FSIP1: variants seen among roughly 807,000 people sequenced by gnomAD.
The protein encoded by FSIP1 is fibrous sheath-interacting protein 1.
Under a neutral mutation model 60.9 loss-of-function variants are expected in FSIP1, and 65 were observed. The observed-to-expected ratio is 1.07, with a 90% CI of 0.87 to 1.31. FSIP1 has a LOEUF of 1.31. Among genes scored for constraint, FSIP1 ranks in the 40% most tolerant of loss-of-function variants. The probability of loss-of-function intolerance (pLI) is 0.00; values close to 1 mark genes in which losing one functional copy is unlikely to be tolerated. For synonymous variants in FSIP1, 209 were observed against 221.2 expected (o/e 0.94, Z 0.49); for missense variants, 675 against 665.5 (o/e 1.01, Z -0.16).
chr15:39,718,127 T>C (rs570687569), intron 9 of FSIP1, among the ~76,000 whole-genome samples: 1 of 152,224 alleles, frequency 6.6e-6, no homozygotes, highest in East Asian at 1.9e-4. Flanking sequence ...TAAATCTATA[T>C]AAATAGTCCC....
At chr15:39,781,542 T>C (rs1898264738) in intron 1 of FSIP1, among the ~76,000 whole-genome samples, 1 of 152,138 alleles carries the variant, frequency 6.6e-6, no homozygotes, top group Non-Finnish European at 1.5e-5. Context: ...TCATCAATAA[T>C]AGCCAACAAC....
In FSIP1 at chr15:39,604,129, C is replaced by T. The variant is rs142101703; in HGVS notation, c.1700-3203G>A. Among the ~76,000 whole-genome samples, 41 of 152,354 alleles carry T rather than the reference C, an allele frequency of 2.7e-4. No individual in the cohort carries two copies. The East Asian group carries it at 7.3e-3, about 27-fold the overall frequency. On this transcript the variant is annotated intron_variant, in intron 11 of 11. Coordinates refer to ENST00000350221, the MANE Select transcript of FSIP1 (RefSeq NM_152597.5). ...TATTTTTAGTACAGATGGGGTTTCT[C>T]CGTGTTGGTTAGGCTTGTCTCAAAC...
chr15:39,724,315 G>A (rs944409267), intron 9 of FSIP1, among the ~76,000 whole-genome samples: 2 of 150,734 alleles, frequency 1.3e-5, no homozygotes, highest in Non-Finnish European at 2.9e-5. Flanking sequence ...TGCATGGCAC[G>A]ATCTTGGCTC....
At chr15:39,716,828 T>TTTC (rs1229946546) in intron 9 of FSIP1, among the ~76,000 whole-genome samples, 3 of 148,544 alleles carry the variant, frequency 2.0e-5, no homozygotes, top group Admixed American at 6.7e-5. Flanking sequence ...TTTTTTTTTT[T>TTTC]TTTTTGAGAC....
rs73395242 is a variant in FSIP1, at chr15:39,706,695, A to C, written c.1188+6749T>G. Among the ~76,000 whole-genome samples, 1,415 of 152,294 alleles carry C rather than the reference A, an allele frequency of 9.3e-3. 20 individuals carry two copies. Among genetic ancestry groups the C allele is most frequent in the African/African-American group, 0.032 (1,335 of 41,556 alleles). On this transcript the variant is annotated intron_variant, in intron 10 of 11. Coordinates refer to ENST00000350221, the MANE Select transcript of FSIP1 (RefSeq NM_152597.5). The stretch of plus-strand genomic sequence containing the variant: ...AATCCCAACACACTTTTCCCTTTAA[A>C]TACTGTGTGTTACAAAAAGTTAATT...
intron 10 of FSIP1, among the ~76,000 whole-genome samples, chr15:39,644,087 G>A (rs1892486497): frequency 6.6e-6 from 1 of 152,156 alleles, no homozygotes; most frequent in Non-Finnish European, 1.5e-5. Flanking sequence ...TATTCTGTCA[G>A]ACACCCAGTT....
At chr15:39,753,454 G>A (rs1203469848) in intron 5 of FSIP1, among the ~76,000 whole-genome samples, 2 of 151,878 alleles carry the variant, frequency 1.3e-5, no homozygotes, top group Non-Finnish European at 2.9e-5. Context: ...AACTAACCTT[G>A]CTTATAAATA....
chr15:39,618,255 C>T lies in FSIP1; in HGVS notation c.1189-10G>A. 5 of 1,584,304 alleles carry T rather than the reference C, an allele frequency of 3.2e-6. No homozygotes were observed. The highest frequency in any genetic ancestry group is 4.3e-6 in the Non-Finnish European group (5 of 1,162,484). The stretch of plus-strand genomic sequence containing the variant: ...ATGATGTGGACTCTAACTGATGAAA[C>T]AAACCAAAAGATTACATAGTCAGTT... On this transcript the variant is annotated splice_polypyrimidine_tract_variant and intron_variant, in intron 10 of 11. Transcript: ENST00000350221.
chr15:39,756,927 T>C (rs1473835298), intron 5 of FSIP1, among the ~76,000 whole-genome samples: 3 of 152,120 alleles, frequency 2.0e-5, no homozygotes, highest in Admixed American at 6.6e-5. Context: ...AAGAAGTGTC[T>C]GCAGGGTGTA....
chr15:39,746,837 G>GT (rs1251370290), intron 5 of FSIP1, among the ~76,000 whole-genome samples: 1 of 151,674 alleles, frequency 6.6e-6, no homozygotes, highest in Non-Finnish European at 1.5e-5. Flanking sequence ...GGGGAAGAAG[G>GT]GGGAACTGAG....
intron 11 of FSIP1, among the ~76,000 whole-genome samples, chr15:39,608,227 G>A (rs560086480): frequency 1.3e-5 from 2 of 152,212 alleles, no homozygotes; most frequent in East Asian, 3.9e-4. Flanking sequence ...TAGTCACAGG[G>A]TTAATTGTTA....
chr15:39,690,703 C>T (rs1002993143), intron 10 of FSIP1, among the ~76,000 whole-genome samples: 3 of 152,198 alleles, frequency 2.0e-5, no homozygotes, highest in African/African-American at 7.2e-5. Flanking sequence ...TCCATTGCTG[C>T]CACAAACCCT....
intron 10 of FSIP1, among the ~76,000 whole-genome samples, chr15:39,624,003 T>C (rs1891542587): frequency 6.6e-6 from 1 of 152,200 alleles, no homozygotes; most frequent in African/African-American, 2.4e-5. Context: ...GCTCTCTATA[T>C]TCTTTTGCTT....
At position 39,741,891 on chromosome 15, in the gene FSIP1, T is replaced by A. The variant is rs751539052; in HGVS notation, c.569A>T (p.His190Leu). The A allele has an allele frequency of 6.3e-7, 1 of 1,574,960 alleles. No individual in the cohort carries two copies. The highest frequency in any genetic ancestry group is 8.7e-7 in the Non-Finnish European group (1 of 1,145,046). ...AVSEETVGPSHEEEDTFSSVF... is the reference protein window; with the variant it reads ...AVSEETVGPSLEEEDTFSSVF... Reference sequence around the variant, plus strand: ...TGAGGAAAAGGTGTCTTCCTCCTCATGAGAAGGACCTGTTGATTTAAAAAA... The same window carrying A: ...TGAGGAAAAGGTGTCTTCCTCCTCAAGAGAAGGACCTGTTGATTTAAAAAA... Residue 190 changes from histidine (H) to leucine (L), a missense_variant, in exon 6 of 12, where the codon CAT becomes CTT. His to Leu is a moderately conservative substitution (Grantham distance 99). Coordinates refer to ENST00000350221, the MANE Select transcript of FSIP1 (RefSeq NM_152597.5).
chr15:39,718,727 G>A (rs1168945901), intron 9 of FSIP1, among the ~76,000 whole-genome samples: 1 of 151,972 alleles, frequency 6.6e-6, no homozygotes, highest in Non-Finnish European at 1.5e-5. Flanking sequence ...GAACTCCTGG[G>A]CTCAAGGGAT....
chr15:39,728,911 A>T (rs1896300669), intron 8 of FSIP1, among the ~76,000 whole-genome samples: 1 of 152,072 alleles, frequency 6.6e-6, no homozygotes. Context: ...ATTAATAAGC[A>T]AAGAGCAAAG....
intron 5 of FSIP1, among the ~76,000 whole-genome samples, chr15:39,760,856 A>T (rs1566917039): frequency 6.6e-6 from 1 of 152,154 alleles, no homozygotes; most frequent in South Asian, 2.1e-4. Context: ...TAGGAGAAGC[A>T]GGGGGGAAGG....
intron 7 of FSIP1, 132 bp from the exon 8 acceptor site, chr15:39,738,333 T>C (rs1896688353): frequency 1.8e-6 from 1 of 559,664 alleles, no homozygotes; most frequent in South Asian, 3.1e-5. Flanking sequence ...TTTTACATTT[T>C]CTAGGTAATT....
intron 10 of FSIP1, among the ~76,000 whole-genome samples, chr15:39,655,984 G>GA (rs1192128018): frequency 1.3e-5 from 2 of 152,140 alleles, no homozygotes; most frequent in African/African-American, 4.8e-5. Context: ...CACATAACTA[G>GA]AATGGCAACT....
Sources: gnomAD v4.1 joint callset for allele counts (sites outside exome capture counted in the v4.1 genomes callset) on GRCh38, gnomAD v4.1.1 for gene constraint, MANE v1.5 for transcripts, NCBI Gene and HGNC (gene_info 2026-07-23, HGNC 2026-07-21) for gene names.